MSRB3: variants seen among roughly 807,000 people sequenced by gnomAD.
The protein encoded by MSRB3 is methionine sulfoxide reductase B3, also known as methionine-R-sulfoxide reductase B3.
In MSRB3, 13 loss-of-function variants were observed where a neutral mutation model predicts 21.0. The ratio of observed to expected loss-of-function variants is 0.62; its 90% confidence interval spans 0.40 to 0.98. MSRB3 has a LOEUF of 0.98. Ranked by LOEUF, MSRB3 falls within the 50% of genes least tolerant of loss-of-function variation. The pLI, the probability that MSRB3 is intolerant of heterozygous loss-of-function variation, is 0.00. For synonymous variants in MSRB3, 87 were observed against 88.6 expected, an observed-to-expected ratio of 0.98 and a Z score of 0.10; for missense variants, 199 against 230.3, an observed-to-expected ratio of 0.86 and a Z score of 0.88.
intron 5 of MSRB3, among the ~76,000 whole-genome samples, chr12:65,377,552 G>A (rs1878698439): frequency 6.6e-6 from 1 of 151,950 alleles, no homozygotes; most frequent in African/African-American, 2.4e-5. Flanking sequence ...CATCTGCCTC[G>A]GCCTCCCAAA....
intron 5 of MSRB3, among the ~76,000 whole-genome samples, chr12:65,391,986 CTACAGTAGTACTGT>C (rs1433155058): frequency 1.3e-5 from 2 of 152,156 alleles, no homozygotes; most frequent in African/African-American, 4.8e-5. Context: ...GATTTTCCTG[CTACAGTAGTACTGT>C]TACGTGCACC....
intron 5 of MSRB3, among the ~76,000 whole-genome samples, chr12:65,422,104 T>C (rs982768885): frequency 4.6e-5 from 7 of 151,880 alleles, no homozygotes; most frequent in African/African-American, 1.7e-4. Flanking sequence ...AAACAAACTT[T>C]AAACCAACAA....
intron 5 of MSRB3, among the ~76,000 whole-genome samples, chr12:65,392,792 T>TTTCA (rs1481288206): frequency 6.6e-6 from 1 of 152,214 alleles, no homozygotes; most frequent in Non-Finnish European, 1.5e-5. Flanking sequence ...GTTTCTTCCA[T>TTTCA]TTCATGCTCC....
chr12:65,349,215 A>G (rs533848579), intron 4 of MSRB3, among the ~76,000 whole-genome samples: 2 of 152,130 alleles, frequency 1.3e-5, no homozygotes, highest in Non-Finnish European at 2.9e-5. Flanking sequence ...AGTTTCATCC[A>G]TGCCCCTACA....
At chr12:65,360,076 T>G (rs1877613504) in intron 4 of MSRB3, among the ~76,000 whole-genome samples, 1 of 152,116 alleles carries the variant, frequency 6.6e-6, no homozygotes, top group Non-Finnish European at 1.5e-5. Context: ...TGGCCTTGTC[T>G]CTGTGTGTGT....
chr12:65,426,497 G>A (rs975482314), intron 5 of MSRB3, among the ~76,000 whole-genome samples: 4 of 152,118 alleles, frequency 2.6e-5, no homozygotes, highest in Non-Finnish European at 5.9e-5. Flanking sequence ...ATTTTTGACA[G>A]TTTGATTATA....
At chr12:65,366,168 A>G (rs1878000169) in intron 4 of MSRB3, among the ~76,000 whole-genome samples, 1 of 152,158 alleles carries the variant, frequency 6.6e-6, no homozygotes, top group Admixed American at 6.5e-5. Context: ...CTGAGCAGGA[A>G]TGTGAAGAAG....
At chr12:65,349,796 A>T (rs987322248) in intron 4 of MSRB3, among the ~76,000 whole-genome samples, 3 of 151,532 alleles carry the variant, frequency 2.0e-5, no homozygotes, top group East Asian at 1.9e-4. Flanking sequence ...TTCATTGTAG[A>T]TTCTGGATAT....
At chr12:65,291,030 T>C (rs1872635485) in intron 1 of MSRB3, among the ~76,000 whole-genome samples, 1 of 152,148 alleles carries the variant, frequency 6.6e-6, no homozygotes. Context: ...TTTACAGCTT[T>C]AATTTTTTCC....
At chr12:65,390,807 C>A (rs894397990) in intron 5 of MSRB3, among the ~76,000 whole-genome samples, 7 of 152,098 alleles carry the variant, frequency 4.6e-5, no homozygotes, top group Admixed American at 3.9e-4. Flanking sequence ...GTAGTTATTT[C>A]ATTGTGGTAA....
chr12:65,341,173 C>T (rs899918642), intron 4 of MSRB3, among the ~76,000 whole-genome samples: 18 of 151,720 alleles, frequency 1.2e-4, no homozygotes, highest in African/African-American at 4.1e-4. Flanking sequence ...CCATCACAGA[C>T]GAATAGATAA....
intron 4 of MSRB3, among the ~76,000 whole-genome samples, chr12:65,353,763 T>C (rs930806391): frequency 6.6e-6 from 1 of 152,214 alleles, no homozygotes; most frequent in Non-Finnish European, 1.5e-5. Context: ...TTTGATCCTG[T>C]CATTATGATG....
At chr12:65,282,963 A>T (rs529166680) in intron 1 of MSRB3, among the ~76,000 whole-genome samples, 1 of 152,302 alleles carries the variant, frequency 6.6e-6, no homozygotes, top group South Asian at 2.1e-4. Flanking sequence ...ATGAATTGTG[A>T]ACATTTTCTC....
intron 1 of MSRB3, among the ~76,000 whole-genome samples, chr12:65,300,531 G>C (rs1439159880): frequency 6.6e-6 from 1 of 152,178 alleles, no homozygotes; most frequent in Non-Finnish European, 1.5e-5. Context: ...CCCTGCCCTT[G>C]AGGAGTTTGG....
chr12:65,390,056 T>C (rs1413317360), intron 5 of MSRB3, among the ~76,000 whole-genome samples: 1 of 151,792 alleles, frequency 6.6e-6, no homozygotes, highest in African/African-American at 2.4e-5. Flanking sequence ...AACAAACGTT[T>C]ATATCTACAC....
intron 3 of MSRB3, among the ~76,000 whole-genome samples, chr12:65,327,842 C>G (rs1303875639): frequency 2.0e-5 from 3 of 152,194 alleles, no homozygotes; most frequent in Non-Finnish European, 4.4e-5. Flanking sequence ...GGACTTCAGT[C>G]TCAGCTTGCG....
chr12:65,332,876 G>A (rs528603296), intron 4 of MSRB3, among the ~76,000 whole-genome samples: 1 of 152,262 alleles, frequency 6.6e-6, no homozygotes, highest in South Asian at 2.1e-4. Flanking sequence ...CCAAGTACAA[G>A]AACCTCATTC....
intron 5 of MSRB3, among the ~76,000 whole-genome samples, chr12:65,380,268 T>C (rs1264318059): frequency 6.6e-6 from 1 of 152,170 alleles, no homozygotes; most frequent in Non-Finnish European, 1.5e-5. Context: ...GTAAACCAAC[T>C]TGCCAGAACT....
intron 6 of MSRB3, among the ~76,000 whole-genome samples, chr12:65,456,738 C>T (rs1265136391): frequency 6.6e-6 from 1 of 152,150 alleles, no homozygotes; most frequent in South Asian, 2.1e-4. Flanking sequence ...GGAATTTGTT[C>T]CGCTAAGGCA....
Sources: allele counts gnomAD v4.1 joint callset (sites outside exome capture counted in the v4.1 genomes callset), GRCh38; gene constraint gnomAD v4.1.1; transcripts MANE v1.5; gene names NCBI Gene and HGNC (gene_info 2026-07-23, HGNC 2026-07-21).